The following CPQ variants were observed in gnomAD, a reference collection of about 807,000 sequenced individuals.
CPQ encodes the protein carboxypeptidase Q, also known as Ser-Met dipeptidase.
In CPQ, 37 loss-of-function variants were observed where a neutral mutation model predicts 45.7. The ratio of observed to expected loss-of-function variants is 0.81; its 90% CI spans 0.62 to 1.07. CPQ has a LOEUF of 1.07. Among genes scored for constraint, CPQ ranks in the 50% least tolerant of loss-of-function variants. CPQ has a pLI of 0.00. For missense variants in CPQ, 537 were observed against 572.9 expected (o/e 0.94, Z 0.64); for synonymous variants, 186 against 205.8 (o/e 0.90, Z 0.82).
At chr8:97,037,634 T>A (rs1214081786) in intron 6 of CPQ, among the ~76,000 whole-genome samples, 1 of 152,176 alleles carries the variant, frequency 6.6e-6, no homozygotes. Flanking sequence ...GTTCCTATAT[T>A]CACATGATTT....
At chr8:97,008,264 A>G (rs1414379149) in intron 5 of CPQ, among the ~76,000 whole-genome samples, 2 of 152,252 alleles carry the variant, frequency 1.3e-5, no homozygotes, top group African/African-American at 4.8e-5. Context: ...TTTAAGCAAC[A>G]TGGTGGTGAA....
chr8:96,836,683 CT>C (rs1471080562), intron 3 of CPQ, among the ~76,000 whole-genome samples: 1 of 152,122 alleles, frequency 6.6e-6, no homozygotes, highest in African/African-American at 2.4e-5. Flanking sequence ...TGGTCTGTTG[CT>C]TTGTGAAACT....
At chr8:96,688,418 A>G (rs901420760) in intron 1 of CPQ, among the ~76,000 whole-genome samples, 2 of 152,086 alleles carry the variant, frequency 1.3e-5, no homozygotes, top group African/African-American at 4.8e-5. Flanking sequence ...GAGTATGTTT[A>G]GGCCATGTGT....
At chr8:96,809,556 A>C (rs920118901) in intron 2 of CPQ, among the ~76,000 whole-genome samples, 10 of 152,132 alleles carry the variant, frequency 6.6e-5, no homozygotes, top group African/African-American at 2.4e-4. Context: ...TAGCAACAGA[A>C]ATCAGATAGT....
intron 3 of CPQ, among the ~76,000 whole-genome samples, chr8:96,875,557 A>G (rs1933342405): frequency 6.6e-6 from 1 of 151,872 alleles, no homozygotes; most frequent in Non-Finnish European, 1.5e-5. Flanking sequence ...AAACTGTTCT[A>G]TTCTTGTTGA....
Position 96,735,558 on chromosome 8 carries a change from A to G in CPQ, c.-34-49306A>G, listed in dbSNP as rs138966384. On this transcript the variant is annotated intron_variant, in intron 1 of 7. Coordinates refer to ENST00000220763, the MANE Select transcript of CPQ (RefSeq NM_016134.4). Reference sequence around the variant, plus strand: ...TAATAGGAAAAATGCAAATTGGTGTAACTTCTTTGGACTGTGTCCCCAAAC... The same window carrying G: ...TAATAGGAAAAATGCAAATTGGTGTGACTTCTTTGGACTGTGTCCCCAAAC... 6.5e-3 allele frequency among the ~76,000 whole-genome samples: 994 copies of G among 152,364 alleles called. 11 individuals are homozygous for G. Among genetic ancestry groups the G allele is most frequent in the African/African-American group, 0.022 (920 of 41,588 alleles).
At chr8:96,917,012 A>T (rs1331938775) in intron 4 of CPQ, among the ~76,000 whole-genome samples, 1 of 152,064 alleles carries the variant, frequency 6.6e-6, no homozygotes, top group Non-Finnish European at 1.5e-5. Flanking sequence ...GGTAGTGTTC[A>T]TCAGGGTTCT....
At chr8:96,913,865 A>G (rs2130906259) in intron 4 of CPQ, among the ~76,000 whole-genome samples, 1 of 152,314 alleles carries the variant, frequency 6.6e-6, no homozygotes, top group South Asian at 2.1e-4. Context: ...CTTGAACACC[A>G]CAGGAAAAAA....
At chr8:96,681,079 A>C (rs1294202835) in intron 1 of CPQ, among the ~76,000 whole-genome samples, 2 of 152,310 alleles carry the variant, frequency 1.3e-5, no homozygotes, top group South Asian at 2.1e-4. Context: ...AAAGTTTGGA[A>C]ATTTTGCAGC....
intron 1 of CPQ, among the ~76,000 whole-genome samples, chr8:96,671,533 T>C (rs1005201166): frequency 6.6e-6 from 1 of 152,172 alleles, no homozygotes; most frequent in African/African-American, 2.4e-5. Flanking sequence ...ATGTGAATTA[T>C]GCAAAACAAA....
At chr8:96,789,883 C>G (rs566669920) in intron 2 of CPQ, among the ~76,000 whole-genome samples, 1 of 151,994 alleles carries the variant, frequency 6.6e-6, no homozygotes. Flanking sequence ...CAAGTCTGAC[C>G]CATGTGTTGT....
At chr8:96,738,976 A>G (rs1337125905) in intron 1 of CPQ, among the ~76,000 whole-genome samples, 4 of 151,670 alleles carry the variant, frequency 2.6e-5, no homozygotes, top group African/African-American at 9.7e-5. Flanking sequence ...GTATATACCC[A>G]GTAATGGGAT....
intron 2 of CPQ, among the ~76,000 whole-genome samples, chr8:96,807,213 A>G (rs539628869): frequency 6.6e-6 from 1 of 151,250 alleles, no homozygotes; most frequent in African/African-American, 2.4e-5. Flanking sequence ...GTGGCCAGAG[A>G]AAACTGCTGT....
intron 4 of CPQ, among the ~76,000 whole-genome samples, chr8:96,926,588 T>TTCTTCTTCTTCTTCC (rs1812886914): frequency 1.7e-5 from 2 of 119,548 alleles, no homozygotes; most frequent in African/African-American, 7.4e-5. Context: ...CTTCTTCTTC[T>TTCTTCTTCTTCTTCC]TCTTCTTCTT....
intron 2 of CPQ, among the ~76,000 whole-genome samples, chr8:96,821,126 A>ATTTTTTTTTTTTTTTTTTTTTTTTTT (rs572906188): frequency 3.3e-5 from 2 of 60,938 alleles, no homozygotes; most frequent in Non-Finnish European, 5.9e-5. Context: ...TTTAATCTGA[A>ATTTTTTTTTTTTTTTTTTTTTTTTTT]TTTTTTTTTT....
At chr8:97,062,255 ATTATTCAAGC>A (rs1810563293) in intron 6 of CPQ, among the ~76,000 whole-genome samples, 1 of 152,148 alleles carries the variant, frequency 6.6e-6, no homozygotes, top group African/African-American at 2.4e-5. Flanking sequence ...GGACAGGCTC[ATTATTCAAGC>A]TTTTGTCCCA....
chr8:96,936,959 T>G lies in CPQ; in HGVS notation c.850-28976T>G, dbSNP rs976849081. ...ATGGATTTAGCAGCATGTGATATCT[T>G]TCCTTCCTTCCTTCCTTCCTCCCTC... On this transcript the variant is annotated intron_variant, in intron 4 of 7. Transcript: ENST00000220763. 7.9e-5 allele frequency among the ~76,000 whole-genome samples: 12 copies of G among 152,134 alleles called. 1 individual carries two copies. The highest frequency in any genetic ancestry group is 7.9e-4 in the Admixed American group (12 of 15,286).
intron 6 of CPQ, among the ~76,000 whole-genome samples, chr8:97,034,937 C>A (rs1235822298): frequency 2.7e-5 from 4 of 150,270 alleles, no homozygotes; most frequent in Admixed American, 1.3e-4. Flanking sequence ...GTCCCCCAGG[C>A]TGGAATGCAG....
At chr8:96,694,337 TAA>T (rs550813171) in intron 1 of CPQ, among the ~76,000 whole-genome samples, 2 of 143,390 alleles carry the variant, frequency 1.4e-5, no homozygotes, top group Admixed American at 6.9e-5. Flanking sequence ...CTGAATGGTT[TAA>T]AAAAAAAAAA....
Sources: gnomAD v4.1 joint callset for allele counts (sites outside exome capture counted in the v4.1 genomes callset) on GRCh38, gnomAD v4.1.1 for gene constraint, MANE v1.5 for transcripts, NCBI Gene and HGNC (gene_info 2026-07-23, HGNC 2026-07-21) for gene names.